Variants in CELF2 observed in about 807,000 individuals in gnomAD.
CELF2 encodes the protein CUG triplet repeat RNA-binding protein 2.
CELF2 carries 8 observed loss-of-function variants against 62.6 expected under a neutral mutation model. The ratio of observed to expected loss-of-function variants is 0.13; its 90% CI spans 0.07 to 0.23. CELF2 has a LOEUF of 0.23. Ranked by LOEUF, CELF2 falls within the 10% of genes least tolerant of loss-of-function variation. CELF2 has a pLI of 1.00. For missense variants in CELF2, 333 were observed against 671.0 expected (o/e 0.50, Z 5.56); for synonymous variants, 258 against 250.0 (o/e 1.03, Z -0.30).
chr10:11,138,577 A>G (rs2060804674), intron 1 of CELF2, among the ~76,000 whole-genome samples: 1 of 152,264 alleles, frequency 6.6e-6, no homozygotes. Flanking sequence ...AAACTCGCAA[A>G]GAATTTATCA....
intron 1 of CELF2, among the ~76,000 whole-genome samples, chr10:10,917,289 A>G (rs1446382040): frequency 6.6e-6 from 1 of 152,150 alleles, no homozygotes; most frequent in African/African-American, 2.4e-5. Context: ...AAGCTTTTGA[A>G]ACAGAGGTCA....
chr10:11,273,603 G>A (rs1483860355), intron 7 of CELF2, among the ~76,000 whole-genome samples: 2 of 152,146 alleles, frequency 1.3e-5, no homozygotes, highest in Non-Finnish European at 2.9e-5. Context: ...ATCCATTTTC[G>A]AGTCATATCC....
intron 1 of CELF2, among the ~76,000 whole-genome samples, chr10:11,090,248 G>A (rs545973266): frequency 1.3e-5 from 2 of 151,984 alleles, no homozygotes; most frequent in East Asian, 1.9e-4. Flanking sequence ...GAAACAAGGC[G>A]GTAGAAGAAG....
chr10:10,728,414 CTGCACTCCA>C, the CELF2 span, among the ~76,000 whole-genome samples: 1 of 141,502 alleles, frequency 7.1e-6, no homozygotes. Context: ...GATCATGCCA[CTGCACTCCA>C]GCCTGGGTGA....
At chr10:11,129,652 AGTTT>A (rs2059311213) in intron 1 of CELF2, among the ~76,000 whole-genome samples, 1 of 152,072 alleles carries the variant, frequency 6.6e-6, no homozygotes, top group Non-Finnish European at 1.5e-5. Flanking sequence ...TAGATTTTCT[AGTTT>A]GTTTGTGTAG....
intron 1 of CELF2, among the ~76,000 whole-genome samples, chr10:11,104,622 C>T (rs1229484675): frequency 6.6e-6 from 1 of 151,284 alleles, no homozygotes; most frequent in Non-Finnish European, 1.5e-5. Flanking sequence ...GCCGATACTG[C>T]CCTAAGACGT....
the CELF2 span, among the ~76,000 whole-genome samples, chr10:10,691,320 T>C: frequency 1.3e-4 from 20 of 151,094 alleles, no homozygotes; most frequent in East Asian, 3.9e-4. Context: ...TCCATGTCCC[T>C]ACAAAGGACA....
chr10:11,141,465 G>C (rs2061348274), intron 1 of CELF2, among the ~76,000 whole-genome samples: 1 of 152,164 alleles, frequency 6.6e-6, no homozygotes, highest in Non-Finnish European at 1.5e-5. Flanking sequence ...ATTCTGAAAG[G>C]CTTGAAGAGT....
chr10:10,781,896 A>G, the CELF2 span, among the ~76,000 whole-genome samples: 1 of 152,362 alleles, frequency 6.6e-6, no homozygotes, highest in Non-Finnish European at 1.5e-5. Flanking sequence ...AATCAAAAAC[A>G]TACTAAAATG....
In CELF2 at chr10:11,191,314, C is replaced by T. The variant is rs550452236; in HGVS notation, c.271+25632C>T. ...TGGGAGTGTGGGAAGGGGCCATGCT[C>T]TGTTGATCTCAGCCAGTTGAAGCTG... On this transcript the variant is annotated intron_variant, in intron 2 of 12. Coordinates refer to ENST00000633077, the MANE Select transcript of CELF2 (RefSeq NM_001326342.2). The surrounding 1 kb of genome is among the most constrained non-coding windows in gnomAD (Gnocchi z 4.1). 6.6e-6 allele frequency among the ~76,000 whole-genome samples: 1 copy of T among 152,294 alleles called. No individual in the cohort carries two copies. The highest frequency in any genetic ancestry group is 2.1e-4 in the South Asian group (1 of 4,822).
At chr10:10,707,975 A>G in the CELF2 span, among the ~76,000 whole-genome samples, 1 of 152,186 alleles carries the variant, frequency 6.6e-6, no homozygotes, top group Non-Finnish European at 1.5e-5. Flanking sequence ...TTTAACGTAT[A>G]TTATCAATGC....
intron 2 of CELF2, chr10:10,951,882 G>T (rs1055627432): frequency 2.6e-5 from 4 of 152,474 alleles, no homozygotes; most frequent in African/African-American, 9.7e-5. Flanking sequence ...GAGGCGTTCG[G>T]TGTGAAGAGA....
At chr10:11,176,247 G>T (rs1308202350) in intron 2 of CELF2, among the ~76,000 whole-genome samples, 1 of 152,178 alleles carries the variant, frequency 6.6e-6, no homozygotes, top group Non-Finnish European at 1.5e-5. Flanking sequence ...AGAGGCTAAA[G>T]TTTCACTGAT....
chr10:11,229,425 G>T (rs1489908703), intron 3 of CELF2, among the ~76,000 whole-genome samples: 1 of 152,090 alleles, frequency 6.6e-6, no homozygotes, highest in South Asian at 2.1e-4. Flanking sequence ...AACCGATGAA[G>T]ACAAAGGAAA....
At chr10:10,581,222 TG>T in the CELF2 span, among the ~76,000 whole-genome samples, 1 of 152,220 alleles carries the variant, frequency 6.6e-6, no homozygotes, top group Non-Finnish European at 1.5e-5. Context: ...TCATTCAATT[TG>T]CTACTAGTTG....
At chr10:11,259,201 C>T (rs1428154642) in intron 5 of CELF2, among the ~76,000 whole-genome samples, 1 of 152,238 alleles carries the variant, frequency 6.6e-6, no homozygotes, top group Non-Finnish European at 1.5e-5. Flanking sequence ...TCACCCTTCT[C>T]ACTAGTTTGA....
At chr10:10,577,674 A>C in the CELF2 span, among the ~76,000 whole-genome samples, 4 of 151,994 alleles carry the variant, frequency 2.6e-5, no homozygotes, top group Non-Finnish European at 5.9e-5. Context: ...CCATGTCCCT[A>C]TAAAGGACAT....
At chr10:10,644,179 C>T in the CELF2 span, among the ~76,000 whole-genome samples, 2 of 152,176 alleles carry the variant, frequency 1.3e-5, no homozygotes, top group Admixed American at 1.3e-4. Context: ...TAAATAGAAT[C>T]TGTACTGCCT....
chr10:10,854,288 C>T (rs2059574608), intron 1 of CELF2, among the ~76,000 whole-genome samples: 2 of 152,150 alleles, frequency 1.3e-5, no homozygotes, highest in African/African-American at 4.8e-5. Flanking sequence ...GGGAAGGGTG[C>T]TTATTGCAGT....
Sources: gnomAD v4.1 joint callset for allele counts (sites outside exome capture counted in the v4.1 genomes callset) on GRCh38, gnomAD v4.1.1 for gene constraint, Gnocchi (gnomAD v3.1) non-coding constraint, MANE v1.5 for transcripts, NCBI Gene and HGNC (gene_info 2026-07-23, HGNC 2026-07-21) for gene names.